The following MGAT4A variants were observed in gnomAD, a reference collection of about 807,000 sequenced individuals.
MGAT4A encodes N-acetylglucosaminyltransferase IVa.
MGAT4A carries 33 observed loss-of-function variants against 74.1 expected under a neutral mutation model. The ratio of observed to expected loss-of-function variants is 0.45; its 90% CI spans 0.34 to 0.60. The LOEUF (loss-of-function observed/expected upper bound fraction) is 0.60. MGAT4A is among the 20% of genes least tolerant of loss of function. The pLI is 0.02. For missense variants in MGAT4A, 479 were observed against 628.3 expected, an observed-to-expected ratio of 0.76 and a Z score of 2.54; for synonymous variants, 198 against 210.4, an observed-to-expected ratio of 0.94 and a Z score of 0.51.
At position 98,621,616 on chromosome 2, in the gene MGAT4A, A is replaced by G; in HGVS notation, c.*3950T>C. 1 of 1,505,032 alleles carries G rather than the reference A, an allele frequency of 6.6e-7. No homozygotes were observed. The highest frequency in any genetic ancestry group is 8.9e-7 in the Non-Finnish European group (1 of 1,123,800). 93.2% of individuals were successfully genotyped at this position (1,505,032 alleles called of 1,614,324 possible). A position where few individuals can be genotyped will look rare whatever the true frequency, so the allele number is the denominator to read the frequency against. On this transcript the variant is annotated 3_prime_UTR_variant, in exon 16 of 16. Coordinates refer to ENST00000393487, the MANE Select transcript of MGAT4A (RefSeq NM_012214.3). Reference sequence around the variant, plus strand: ...AGGTTCCACCCATGCTCAAAGTGGGAGGATATTATACAAGGTCATTGGTGG... The same window carrying G: ...AGGTTCCACCCATGCTCAAAGTGGGGGGATATTATACAAGGTCATTGGTGG...
At chr2:98,691,894 T>C (rs1702199999) in intron 2 of MGAT4A, among the ~76,000 whole-genome samples, 1 of 152,132 alleles carries the variant, frequency 6.6e-6, no homozygotes, top group South Asian at 2.1e-4. Flanking sequence ...TAGGCTAATG[T>C]GTATGTCTCT....
At chr2:98,682,150 C>T (rs905522039) in intron 2 of MGAT4A, among the ~76,000 whole-genome samples, 4 of 152,046 alleles carry the variant, frequency 2.6e-5, no homozygotes, top group East Asian at 3.9e-4. Flanking sequence ...GGGCCAGGTG[C>T]GGTGGCTCAC....
At chr2:98,644,795 G>C (rs997039226) in intron 9 of MGAT4A, among the ~76,000 whole-genome samples, 1 of 152,090 alleles carries the variant, frequency 6.6e-6, no homozygotes, top group African/African-American at 2.4e-5. Context: ...CACCATGCCA[G>C]GCTAATTTTT....
chr2:98,642,094 T>G (rs1701419740), intron 10 of MGAT4A, among the ~76,000 whole-genome samples: 1 of 152,092 alleles, frequency 6.6e-6, no homozygotes, highest in Admixed American at 6.5e-5. Flanking sequence ...TCACTGGCAT[T>G]ATTACTGACA....
At chr2:98,657,440 A>G (rs986139127) in intron 6 of MGAT4A, among the ~76,000 whole-genome samples, 1 of 152,214 alleles carries the variant, frequency 6.6e-6, no homozygotes, top group South Asian at 2.1e-4. Flanking sequence ...TTTTGTTTCT[A>G]TAAGGACTTC....
intron 10 of MGAT4A, among the ~76,000 whole-genome samples, chr2:98,641,032 G>GGA (rs1252152186): frequency 6.6e-6 from 1 of 152,120 alleles, no homozygotes; most frequent in African/African-American, 2.4e-5. Context: ...AACACAGGAA[G>GGA]GGACACCTAT....
At chr2:98,708,643 C>T (rs1037032649) in intron 2 of MGAT4A, among the ~76,000 whole-genome samples, 4 of 152,138 alleles carry the variant, frequency 2.6e-5, no homozygotes, top group African/African-American at 7.2e-5. Flanking sequence ...TTAAAGGGAA[C>T]GTTGCTGGAG....
chr2:98,711,894 G>A (rs1333865973), intron 2 of MGAT4A, among the ~76,000 whole-genome samples: 3 of 152,156 alleles, frequency 2.0e-5, no homozygotes, highest in African/African-American at 7.2e-5. Context: ...AAAGTGTTGG[G>A]ATTATGGGCA....
intron 14 of MGAT4A, among the ~76,000 whole-genome samples, chr2:98,634,913 A>C (rs868389994): frequency 2.0e-5 from 3 of 151,908 alleles, no homozygotes; most frequent in Admixed American, 6.6e-5. Flanking sequence ...CTGGCCTGTC[A>C]ATGTGAGCTG....
At chr2:98,652,246 A>T (rs552478705) in intron 8 of MGAT4A, among the ~76,000 whole-genome samples, 15 of 152,284 alleles carry the variant, frequency 9.9e-5, no homozygotes, top group African/African-American at 3.4e-4. Flanking sequence ...TCCCAACAAC[A>T]GCAGAATACA....
intron 2 of MGAT4A, among the ~76,000 whole-genome samples, chr2:98,720,678 A>C (rs1434221725): frequency 6.6e-6 from 1 of 152,080 alleles, no homozygotes; most frequent in African/African-American, 2.4e-5. Flanking sequence ...TAACTAATAC[A>C]TGCCTCAAGA....
intron 14 of MGAT4A, among the ~76,000 whole-genome samples, chr2:98,634,330 A>G (rs1001542991): frequency 5.3e-5 from 8 of 152,122 alleles, no homozygotes; most frequent in African/African-American, 2.4e-5. Flanking sequence ...CATTTATTAG[A>G]AGGAAAAATA....
At chr2:98,656,502 G>A (rs1701664519) in intron 6 of MGAT4A, 37 bp from the exon 7 acceptor site, 1 of 1,393,374 alleles carries the variant, frequency 7.2e-7, no homozygotes, top group African/African-American at 1.4e-5. Context: ...CTTAAGTTCT[G>A]TGGGATTTTA....
At chr2:98,687,633 T>G (rs1287869316) in intron 2 of MGAT4A, among the ~76,000 whole-genome samples, 3 of 152,156 alleles carry the variant, frequency 2.0e-5, no homozygotes, top group Non-Finnish European at 4.4e-5. Flanking sequence ...AAACTACTGC[T>G]CTCACCTCTT....
intron 7 of MGAT4A, 59 bp downstream of exon 7, chr2:98,656,293 T>C: frequency 2.6e-6 from 3 of 1,159,774 alleles, no homozygotes; most frequent in Non-Finnish European, 3.8e-6. Context: ...AAATAAAAAC[T>C]ACATGTATTA....
At chr2:98,700,976 GA>G (rs1575275266) in intron 2 of MGAT4A, among the ~76,000 whole-genome samples, 1 of 151,412 alleles carries the variant, frequency 6.6e-6, no homozygotes, top group Non-Finnish European at 1.5e-5. Flanking sequence ...AAAAATTAGT[GA>G]AAAGAGTGAC....
Position 98,705,968 on chromosome 2 carries a change from A to G in MGAT4A, c.94+20271T>C, listed in dbSNP as rs544876093. Among the ~76,000 whole-genome samples, 358 of 147,722 alleles carry G rather than the reference A, an allele frequency of 2.4e-3. 3 individuals carry two copies. The highest frequency in any genetic ancestry group is 8.3e-3 in the African/African-American group (340 of 40,844). ...CGTCTCAAAAAAAAAAAAAAAAAAA[A>G]AAAGAAAATCAACTAACAATAAAAT... On this transcript the variant is annotated intron_variant, in intron 2 of 15. Coordinates refer to ENST00000393487, the MANE Select transcript of MGAT4A (RefSeq NM_012214.3).
At chr2:98,717,937 T>A (rs1023850783) in intron 2 of MGAT4A, among the ~76,000 whole-genome samples, 11 of 152,240 alleles carry the variant, frequency 7.2e-5, no homozygotes, top group African/African-American at 2.7e-4. Flanking sequence ...TAATTTTCCT[T>A]ATATCGTATT....
intron 2 of MGAT4A, among the ~76,000 whole-genome samples, chr2:98,708,169 T>C (rs1168327004): frequency 6.6e-6 from 1 of 152,066 alleles, no homozygotes; most frequent in African/African-American, 2.4e-5. Flanking sequence ...GGTCTCACTA[T>C]GTTGCCCAGG....
Sources: gnomAD v4.1 joint callset for allele counts (sites outside exome capture counted in the v4.1 genomes callset) on GRCh38, gnomAD v4.1.1 for gene constraint, MANE v1.5 for transcripts, NCBI Gene and HGNC (gene_info 2026-07-23, HGNC 2026-07-21) for gene names.